The following CDH12 variants were observed in gnomAD, a reference collection of about 807,000 sequenced individuals.
CDH12 encodes the protein cadherin 12, also known as cadherin-12.
In CDH12, 41 loss-of-function variants were observed where a neutral mutation model predicts 74.1. The ratio of observed to expected loss-of-function variants is 0.55; its 90% confidence interval spans 0.43 to 0.72. The LOEUF (loss-of-function observed/expected upper bound fraction) is 0.72, where lower values mean the gene tolerates loss of function less well. Among genes scored for constraint, CDH12 ranks in the 30% least tolerant of loss-of-function variants. CDH12 has a pLI of 0.00. For missense variants in CDH12, 945 were observed against 977.2 expected (o/e 0.97, Z 0.44); for synonymous variants, 399 against 355.0 (o/e 1.12, Z -1.39).
intron 3 of CDH12, among the ~76,000 whole-genome samples, chr5:22,292,114 C>T (rs75321759): frequency 6.6e-6 from 1 of 152,010 alleles, no homozygotes; most frequent in Non-Finnish European, 1.5e-5. Flanking sequence ...GACAATCTCT[C>T]AATAAATGAT....
chr5:21,875,965 G>A (rs150284003), intron 6 of CDH12, among the ~76,000 whole-genome samples: 1,650 of 145,028 alleles, frequency 0.011, 31 homozygotes, highest in African/African-American at 0.039. Flanking sequence ...GCACGATCTC[G>A]GTTCACCACA....
chr5:21,925,204 T>A (rs565265489), intron 6 of CDH12, among the ~76,000 whole-genome samples: 1 of 152,316 alleles, frequency 6.6e-6, no homozygotes, highest in South Asian at 2.1e-4. Flanking sequence ...CAATCCATTT[T>A]TACAGGCTTT....
chr5:22,429,195 G>C (rs999919382), intron 2 of CDH12, among the ~76,000 whole-genome samples: 99 of 151,644 alleles, frequency 6.5e-4, no homozygotes, highest in African/African-American at 2.4e-3. Context: ...ACAGTGGTGC[G>C]ATCATGACTC....
At chr5:22,615,638 A>C (rs1321559915) in intron 1 of CDH12, among the ~76,000 whole-genome samples, 1 of 152,186 alleles carries the variant, frequency 6.6e-6, no homozygotes, top group East Asian at 1.9e-4. Context: ...ATAAATCAAA[A>C]TAAGCTAACC....
intron 3 of CDH12, among the ~76,000 whole-genome samples, chr5:22,350,935 C>T (rs541125333): frequency 6.6e-6 from 1 of 152,198 alleles, no homozygotes; most frequent in East Asian, 1.9e-4. Context: ...GTAGTATGTT[C>T]TAGAGACTAA....
chr5:22,002,716 A>G (rs1384531262), intron 5 of CDH12, among the ~76,000 whole-genome samples: 4 of 152,060 alleles, frequency 2.6e-5, no homozygotes, highest in Non-Finnish European at 5.9e-5. Flanking sequence ...ATAACATGTC[A>G]CATATCTCCA....
Position 22,207,352 on chromosome 5 carries a change from A to T in CDH12, c.-187+5146T>A, listed in dbSNP as rs563312074. Reference sequence around the variant, plus strand: ...GCAAACTTTTTCTGTGAAAGACAAAATAGCCAATATTTTTAGCTTTGCAGG... The same window carrying T: ...GCAAACTTTTTCTGTGAAAGACAAATTAGCCAATATTTTTAGCTTTGCAGG... On this transcript the variant is annotated intron_variant, in intron 4 of 14. Transcript: ENST00000382254. Among the ~76,000 whole-genome samples the T allele has an allele frequency of 1.2e-4, 18 of 152,344 alleles. 1 individual carries two copies. In the South Asian group the frequency reaches 3.7e-3, roughly 32 times the overall value.
chr5:22,216,500 T>C (rs62350677), intron 3 of CDH12, among the ~76,000 whole-genome samples: 52,793 of 151,700 alleles, frequency 0.35, 10,306 homozygotes, highest in Admixed American at 0.46. Flanking sequence ...CTTGAAAAAT[T>C]ACTGTTAATT....
intron 1 of CDH12, among the ~76,000 whole-genome samples, chr5:22,787,965 A>G (rs896050356): frequency 6.6e-6 from 1 of 152,176 alleles, no homozygotes; most frequent in Non-Finnish European, 1.5e-5. Flanking sequence ...TGTATATTAG[A>G]AATGAGTCAG....
intron 11 of CDH12, among the ~76,000 whole-genome samples, chr5:21,770,644 C>A (rs1007843688): frequency 6.6e-6 from 1 of 151,360 alleles, no homozygotes; most frequent in African/African-American, 2.4e-5. Context: ...AGTTAAAATT[C>A]GGTATTGTGA....
intron 6 of CDH12, among the ~76,000 whole-genome samples, chr5:21,867,977 C>T (rs145097575): frequency 0.021 from 3,167 of 152,164 alleles, 92 homozygotes; most frequent in African/African-American, 0.072. Flanking sequence ...GGCAGTTTCC[C>T]CCATACTGTT....
intron 3 of CDH12, among the ~76,000 whole-genome samples, chr5:22,391,173 G>A (rs1362723986): frequency 2.0e-5 from 3 of 152,150 alleles, no homozygotes; most frequent in Admixed American, 2.0e-4. Flanking sequence ...TTGCAGATGA[G>A]AAGGCCTTGT....
At chr5:22,156,039 G>T (rs972438201) in intron 4 of CDH12, among the ~76,000 whole-genome samples, 1 of 152,074 alleles carries the variant, frequency 6.6e-6, no homozygotes, top group Non-Finnish European at 1.5e-5. Flanking sequence ...GAGCCATGCA[G>T]GTTTGCATCT....
At chr5:22,625,490 A>AGCCTGTATGGAGGTTT (rs1023338997) in intron 1 of CDH12, among the ~76,000 whole-genome samples, 1 of 152,172 alleles carries the variant, frequency 6.6e-6, no homozygotes, top group African/African-American at 2.4e-5. Flanking sequence ...GAAGGATGCC[A>AGCCTGTATGGAGGTTT]GCCTGTATGG....
intron 7 of CDH12, among the ~76,000 whole-genome samples, chr5:21,850,023 A>G (rs1750377869): frequency 6.6e-6 from 1 of 151,678 alleles, no homozygotes; most frequent in African/African-American, 2.4e-5. Flanking sequence ...CCTGGGGGAC[A>G]GTGTTCTAAG....
intron 3 of CDH12, among the ~76,000 whole-genome samples, chr5:22,315,866 A>T (rs948078093): frequency 6.6e-5 from 10 of 152,138 alleles, no homozygotes; most frequent in Non-Finnish European, 1.3e-4. Context: ...AAACTCTGTG[A>T]AGGAGGTTTT....
chr5:22,057,722 C>T (rs1045975218), intron 5 of CDH12, among the ~76,000 whole-genome samples: 3 of 152,092 alleles, frequency 2.0e-5, no homozygotes, highest in Admixed American at 6.6e-5. Flanking sequence ...TGAAAACCCA[C>T]GAAAGTCAGA....
At chr5:22,120,897 C>A (rs544378780) in intron 4 of CDH12, among the ~76,000 whole-genome samples, 1 of 152,214 alleles carries the variant, frequency 6.6e-6, no homozygotes, top group African/African-American at 2.4e-5. Context: ...CACAAGGTTA[C>A]TTTTCTGGAG....
At chr5:21,940,622 T>C (rs1436856328) in intron 6 of CDH12, among the ~76,000 whole-genome samples, 4 of 152,204 alleles carry the variant, frequency 2.6e-5, no homozygotes, top group Non-Finnish European at 5.9e-5. Context: ...TCCAATTAAT[T>C]GTAGTTTTCT....
Sources: allele counts gnomAD v4.1 joint callset (sites outside exome capture counted in the v4.1 genomes callset), GRCh38; gene constraint gnomAD v4.1.1; transcripts MANE v1.5; gene names NCBI Gene and HGNC (gene_info 2026-07-23, HGNC 2026-07-21).